The following DNAJC1 variants were observed in gnomAD, a reference collection of about 807,000 sequenced individuals.
DNAJC1 encodes the protein dnaJ homolog subfamily C member 1.
In DNAJC1, 58 loss-of-function variants were observed where a neutral mutation model predicts 76.6. That is an observed-to-expected ratio of 0.76 (90% confidence interval 0.61 to 0.94). DNAJC1 has a LOEUF of 0.94. Among genes scored for constraint, DNAJC1 ranks in the 40% least tolerant of loss-of-function variants. The pLI is 0.00. For missense variants in DNAJC1, 689 were observed against 677.3 expected (o/e 1.02, Z -0.19); for synonymous variants, 258 against 267.9 (o/e 0.96, Z 0.36).
intron 8 of DNAJC1, among the ~76,000 whole-genome samples, chr10:21,859,778 G>A (rs1333209159): frequency 6.6e-6 from 1 of 151,804 alleles, no homozygotes; most frequent in African/African-American, 2.4e-5. Flanking sequence ...AACTCTTGGA[G>A]AAAAAGTCAA....
At chr10:21,950,341 T>C (rs964415761) in intron 1 of DNAJC1, among the ~76,000 whole-genome samples, 1 of 152,208 alleles carries the variant, frequency 6.6e-6, no homozygotes, top group Non-Finnish European at 1.5e-5. Context: ...ACCATTGTAA[T>C]TATTTTGGGG....
chr10:21,800,864 T>C (rs1224996787), intron 9 of DNAJC1, among the ~76,000 whole-genome samples: 1 of 151,312 alleles, frequency 6.6e-6, no homozygotes, highest in African/African-American at 2.5e-5. Context: ...CTTTTTGCTA[T>C]GAACATAGAG....
At chr10:21,995,535 T>C (rs912634659) in intron 1 of DNAJC1, among the ~76,000 whole-genome samples, 1 of 152,232 alleles carries the variant, frequency 6.6e-6, no homozygotes, top group Non-Finnish European at 1.5e-5. Flanking sequence ...GCATATACTA[T>C]GGCATGTCCT....
At chr10:21,839,952 C>A (rs968913625) in intron 8 of DNAJC1, among the ~76,000 whole-genome samples, 2 of 152,148 alleles carry the variant, frequency 1.3e-5, no homozygotes, top group Non-Finnish European at 2.9e-5. Context: ...TCAACATACG[C>A]AAATCAATAA....
intron 9 of DNAJC1, among the ~76,000 whole-genome samples, chr10:21,769,720 CTTG>C (rs1834351209): frequency 6.6e-6 from 1 of 152,016 alleles, no homozygotes; most frequent in Non-Finnish European, 1.5e-5. Context: ...AGTTTCTGTT[CTTG>C]TTGTCCAGGC....
chr10:21,993,511 A>C (rs547722397), intron 1 of DNAJC1, among the ~76,000 whole-genome samples: 1 of 152,238 alleles, frequency 6.6e-6, no homozygotes, highest in Non-Finnish European at 1.5e-5. Context: ...CGTCTGTCTC[A>C]TATTTTATTC....
chr10:21,897,507 G>A (rs1220099127), intron 7 of DNAJC1, among the ~76,000 whole-genome samples: 12 of 152,148 alleles, frequency 7.9e-5, no homozygotes, highest in Non-Finnish European at 1.6e-4. Context: ...GAACCAGACC[G>A]CCTAGCAGGA....
intron 8 of DNAJC1, among the ~76,000 whole-genome samples, chr10:21,871,934 C>G (rs1836111208): frequency 6.6e-6 from 1 of 151,640 alleles, no homozygotes; most frequent in Admixed American, 6.6e-5. Flanking sequence ...TGTGCCCAGC[C>G]AAAATGTGCA....
chr10:21,778,206 A>C (rs1429280414), intron 9 of DNAJC1, among the ~76,000 whole-genome samples: 1 of 152,202 alleles, frequency 6.6e-6, no homozygotes. Flanking sequence ...AAAAGAAAAA[A>C]AAATGCTGAT....
chr10:21,996,505 A>G (rs1838417393), intron 1 of DNAJC1, among the ~76,000 whole-genome samples: 1 of 152,242 alleles, frequency 6.6e-6, no homozygotes, highest in South Asian at 2.1e-4. Context: ...CATTAAACCA[A>G]TCACTAGGTA....
chr10:21,889,807 T>C (rs1836431321), intron 7 of DNAJC1, among the ~76,000 whole-genome samples: 1 of 152,208 alleles, frequency 6.6e-6, no homozygotes, highest in Non-Finnish European at 1.5e-5. Flanking sequence ...CATTTATCTT[T>C]TGTCTAGAAG....
At chr10:21,878,992 T>C (rs1214659407) in intron 8 of DNAJC1, among the ~76,000 whole-genome samples, 3 of 152,186 alleles carry the variant, frequency 2.0e-5, no homozygotes, top group Non-Finnish European at 4.4e-5. Context: ...ATCTCACAAA[T>C]ACACTGAATA....
At chr10:22,001,305 C>G (rs1031844160) in intron 1 of DNAJC1, among the ~76,000 whole-genome samples, 3 of 152,176 alleles carry the variant, frequency 2.0e-5, no homozygotes, top group African/African-American at 7.2e-5. Flanking sequence ...GCATTTGTCT[C>G]CACCAAATTT....
intron 9 of DNAJC1, among the ~76,000 whole-genome samples, chr10:21,797,887 C>A (rs1466672249): frequency 6.6e-6 from 1 of 152,282 alleles, no homozygotes; most frequent in East Asian, 1.9e-4. Flanking sequence ...CTCAGGTAGT[C>A]TGTTACACCA....
chr10:21,908,512 A>AATAAAATTAT (rs950945286), intron 6 of DNAJC1, among the ~76,000 whole-genome samples: 2 of 145,456 alleles, frequency 1.4e-5, no homozygotes, highest in African/African-American at 5.1e-5. Context: ...AATTCAAGTG[A>AATAAAATTAT]ATAAAATTAT....
chr10:21,916,444 G>A (rs1202714846), intron 6 of DNAJC1, among the ~76,000 whole-genome samples: 3 of 152,066 alleles, frequency 2.0e-5, no homozygotes, highest in Non-Finnish European at 1.5e-5. Flanking sequence ...AGCCGAGATC[G>A]CGCCACTGCA....
chr10:21,872,056 AC>A (rs1836112800), intron 8 of DNAJC1, among the ~76,000 whole-genome samples: 1 of 151,472 alleles, frequency 6.6e-6, no homozygotes, highest in Admixed American at 6.6e-5. Context: ...AACTTTCTAG[AC>A]AAAACGTTAA....
At chr10:21,988,757 TTG>T (rs1447361684) in intron 1 of DNAJC1, among the ~76,000 whole-genome samples, 1 of 152,186 alleles carries the variant, frequency 6.6e-6, no homozygotes, top group Non-Finnish European at 1.5e-5. Flanking sequence ...CTTCAGAGGT[TTG>T]TGAGTGAAAT....
At chr10:21,954,963 C>G (rs1299761718) in intron 1 of DNAJC1, among the ~76,000 whole-genome samples, 4 of 152,118 alleles carry the variant, frequency 2.6e-5, no homozygotes, top group African/African-American at 7.2e-5. Context: ...TTTTCTCAAC[C>G]TTGGCACTAT....
Sources: gnomAD v4.1 joint callset for allele counts (sites outside exome capture counted in the v4.1 genomes callset) on GRCh38, gnomAD v4.1.1 for gene constraint, MANE v1.5 for transcripts, NCBI Gene and HGNC (gene_info 2026-07-23, HGNC 2026-07-21) for gene names.